CDH23: variants seen among roughly 807,000 people sequenced by gnomAD.
CDH23 encodes the protein cadherin related 23.
Under a neutral mutation model 317.1 loss-of-function variants are expected in CDH23, and 189 were observed. The ratio of observed to expected loss-of-function variants is 0.60; its 90% confidence interval spans 0.53 to 0.67. CDH23 has a LOEUF of 0.67. Among genes scored for constraint, CDH23 ranks in the 30% least tolerant of loss-of-function variants. The pLI is 0.00. For synonymous variants in CDH23, 1,839 were observed against 1,876.8 expected (o/e 0.98, Z 0.52); for missense variants, 4,401 against 4,592.4 (o/e 0.96, Z 1.20).
intron 9 of CDH23, among the ~76,000 whole-genome samples, chr10:71,606,889 G>A (rs749302096): frequency 3.3e-4 from 50 of 152,170 alleles, no homozygotes; most frequent in Non-Finnish European, 3.5e-4. Flanking sequence ...CCCCCACCCC[G>A]ACTGACCCAG....
intron 1 of CDH23, among the ~76,000 whole-genome samples, chr10:71,403,283 C>T (rs1022601889): frequency 6.6e-6 from 1 of 151,788 alleles, no homozygotes; most frequent in African/African-American, 2.4e-5. Flanking sequence ...TTGCCGGTAC[C>T]CCTTTCATTT....
chr10:71,507,977 G>A (rs1316872013), intron 3 of CDH23, among the ~76,000 whole-genome samples: 2 of 152,200 alleles, frequency 1.3e-5, no homozygotes, highest in African/African-American at 4.8e-5. Context: ...AAATGGGAGG[G>A]TTGGGCTCTG....
Position 71,793,649 on chromosome 10 carries a change from G to T in CDH23, c.6712+9G>T. 1 of 1,549,274 alleles carries T rather than the reference G, an allele frequency of 6.5e-7. No individual in the cohort carries two copies. Among genetic ancestry groups the T allele is most frequent in the Non-Finnish European group, 8.7e-7 (1 of 1,145,300 alleles). On this transcript the variant is annotated intron_variant, in intron 48 of 69. Coordinates refer to ENST00000224721, the MANE Select transcript of CDH23 (RefSeq NM_022124.6). ...TGTGAATATCAACACAGGTACAAGGGCCTGCACCCCTCCCACCTCCCTCCC... is the reference window on the plus strand; with the variant it reads ...TGTGAATATCAACACAGGTACAAGGTCCTGCACCCCTCCCACCTCCCTCCC...
chr10:71,468,610 C>T (rs1380055247), intron 3 of CDH23, among the ~76,000 whole-genome samples: 1 of 152,220 alleles, frequency 6.6e-6, no homozygotes, highest in African/African-American at 2.4e-5. Context: ...CTTCTGCCAC[C>T]TTTTCCCTCC....
At chr10:71,466,700 T>TA in intron 3 of CDH23, among the ~76,000 whole-genome samples, 1 of 152,238 alleles carries the variant, frequency 6.6e-6, no homozygotes, top group East Asian at 1.9e-4. Context: ...TGTGTGTGTG[T>TA]GTAGGTACTG....
intron 9 of CDH23, among the ~76,000 whole-genome samples, chr10:71,602,004 G>A (rs1367235488): frequency 6.6e-6 from 1 of 152,106 alleles, no homozygotes. Flanking sequence ...CTCAAGGTCG[G>A]TCATTCGGGC....
At chr10:71,407,995 C>T (rs1434129471) in intron 1 of CDH23, among the ~76,000 whole-genome samples, 1 of 152,118 alleles carries the variant, frequency 6.6e-6, no homozygotes, top group East Asian at 1.9e-4. Flanking sequence ...ACCTAAAAAT[C>T]GTGCTATGCA....
At chr10:71,687,626 A>T in intron 18 of CDH23, 21 bp from the exon 19 acceptor site, 2 of 1,613,020 alleles carry the variant, frequency 1.2e-6, no homozygotes, top group South Asian at 2.2e-5. Flanking sequence ...GCCTCCTGCA[A>T]CCTGTCTGTG....
chr10:71,482,093 C>T (rs1289781842), intron 3 of CDH23, among the ~76,000 whole-genome samples: 1 of 152,188 alleles, frequency 6.6e-6, no homozygotes. Flanking sequence ...TGGCGGTCCC[C>T]ATTCTGTGAT....
intron 34 of CDH23, 121 bp from the exon 35 acceptor site, chr10:71,738,377 G>A (rs1299321886): frequency 1.7e-6 from 2 of 1,164,176 alleles, no homozygotes; most frequent in African/African-American, 3.0e-5. Context: ...GGCTCTGAGG[G>A]TTTGCTGATG....
At chr10:71,514,216 T>C (rs1854149712) in intron 6 of CDH23, among the ~76,000 whole-genome samples, 1 of 152,268 alleles carries the variant, frequency 6.6e-6, no homozygotes, top group African/African-American at 2.4e-5. Context: ...CCAGCAGAAT[T>C]TCCCAGGGGA....
intron 1 of CDH23, among the ~76,000 whole-genome samples, chr10:71,428,139 C>CTT (rs112105182): frequency 4.5e-4 from 59 of 131,542 alleles, no homozygotes; most frequent in African/African-American, 1.6e-3. Context: ...TTCTTTCTTT[C>CTT]TTTTTTTTTT....
intron 48 of CDH23, among the ~76,000 whole-genome samples, chr10:71,794,127 G>A (rs1043530737): frequency 3.1e-4 from 47 of 151,886 alleles, no homozygotes; most frequent in African/African-American, 9.9e-4. Flanking sequence ...TCAGCCTCCC[G>A]AGTAGCTGAG....
At chr10:71,551,540 G>A (rs1856597322) in intron 6 of CDH23, among the ~76,000 whole-genome samples, 2 of 152,172 alleles carry the variant, frequency 1.3e-5, no homozygotes, top group Non-Finnish European at 2.9e-5. Context: ...TGAGGTTCTG[G>A]TAGGGAAGAG....
intron 66 of CDH23, 151 bp from the exon 67 acceptor site, chr10:71,812,329 C>T (rs1217943927): frequency 6.3e-7 from 1 of 1,598,884 alleles, no homozygotes. Flanking sequence ...ATGGTGGGAG[C>T]ATGCACCACA....
At chr10:71,754,339 G>A (rs1208423879) in intron 38 of CDH23, among the ~76,000 whole-genome samples, 1 of 152,172 alleles carries the variant, frequency 6.6e-6, no homozygotes, top group African/African-American at 2.4e-5. Flanking sequence ...GGGGCCCCCG[G>A]GAATGAGGGG....
chr10:71,410,234 G>A (rs1011808256), intron 1 of CDH23, among the ~76,000 whole-genome samples: 1 of 152,226 alleles, frequency 6.6e-6, no homozygotes, highest in South Asian at 2.1e-4. Context: ...TGTTGCTATT[G>A]TTTATTATTA....
chr10:71,594,219 G>A (rs1355045150), intron 9 of CDH23, among the ~76,000 whole-genome samples: 2 of 152,160 alleles, frequency 1.3e-5, no homozygotes, highest in Non-Finnish European at 2.9e-5. Flanking sequence ...CTTCTCATTA[G>A]CAGGACTGTA....
At chr10:71,777,970 A>G in intron 39 of CDH23, 69 bp downstream of exon 39, 1 of 1,548,176 alleles carries the variant, frequency 6.5e-7, no homozygotes, top group Non-Finnish European at 8.9e-7. Context: ...GAGTTCAGTG[A>G]CACTGGAGGG....
Sources: gnomAD v4.1 joint callset for allele counts (sites outside exome capture counted in the v4.1 genomes callset) on GRCh38, gnomAD v4.1.1 for gene constraint, MANE v1.5 for transcripts, NCBI Gene and HGNC (gene_info 2026-07-23, HGNC 2026-07-21) for gene names.